Variants in ALS2 observed in about 807,000 individuals in gnomAD.
ALS2 encodes the protein alsin.
ALS2 carries 117 observed loss-of-function variants against 203.4 expected under a neutral mutation model. That is an observed-to-expected ratio of 0.58 (90% CI 0.50 to 0.67). The LOEUF is 0.67. Ranked by LOEUF, ALS2 falls within the 30% of genes least tolerant of loss-of-function variation. The pLI is 0.00. For missense variants in ALS2, 1,715 were observed against 1,989.4 expected (o/e 0.86, Z 2.62); for synonymous variants, 718 against 725.9 (o/e 0.99, Z 0.17).
At chr2:201,763,014 T>G (rs1452224595) in intron 3 of ALS2, 1 of 161,574 alleles carries the variant, frequency 6.2e-6, no homozygotes, top group Non-Finnish European at 1.4e-5. Context: ...TGGGGACCTC[T>G]CTCAAGGATG....
At chr2:201,755,250 T>C (rs956056081) in intron 5 of ALS2, among the ~76,000 whole-genome samples, 3 of 151,866 alleles carry the variant, frequency 2.0e-5, no homozygotes, top group Admixed American at 1.3e-4. Flanking sequence ...CTGGGCAACA[T>C]AGCAAGACAC....
At chr2:201,746,429 T>A (rs1305718263) in intron 9 of ALS2, 137 bp downstream of exon 9, 1 of 961,968 alleles carries the variant, frequency 1.0e-6, no homozygotes, top group Non-Finnish European at 1.7e-6. Flanking sequence ...TGAAGGGGGC[T>A]TGAAAGGAGT....
chr2:201,721,027 C>T (rs868429995), intron 23 of ALS2, among the ~76,000 whole-genome samples: 3 of 152,080 alleles, frequency 2.0e-5, no homozygotes, highest in African/African-American at 7.2e-5. Flanking sequence ...ACAAAATCAA[C>T]TGCATTTTTA....
intron 1 of ALS2, chr2:201,779,937 G>A (rs1210910982): frequency 6.6e-6 from 1 of 152,170 alleles, no homozygotes; most frequent in African/African-American, 2.4e-5. Flanking sequence ...TGATAAATGG[G>A]GGGGAAAATG....
At chr2:201,723,847 T>C (rs1009914495) in intron 21 of ALS2, among the ~76,000 whole-genome samples, 5 of 152,250 alleles carry the variant, frequency 3.3e-5, no homozygotes, top group Non-Finnish European at 7.3e-5. Flanking sequence ...CTGGATTCGG[T>C]GGCTCATGCC....
At chr2:201,705,579 A>G (rs1223533721) in intron 29 of ALS2, 118 bp from the exon 30 acceptor site, 2 of 737,594 alleles carry the variant, frequency 2.7e-6, no homozygotes, top group Non-Finnish European at 4.7e-6. Flanking sequence ...ACTGCTCCAC[A>G]ATAGGTTAAG....
In ALS2 at chr2:201,718,071, A is replaced by G; in HGVS notation, c.3836+6T>C. On this transcript the variant is annotated splice_donor_region_variant and intron_variant, in intron 24 of 33. Coordinates refer to ENST00000264276, the MANE Select transcript of ALS2 (RefSeq NM_020919.4). ...AATTAATCCAGAATTAACACTAGTT[A>G]CTCACAAAACTTTAGGTCTGTCTTT... 1 of 1,613,038 alleles carries G rather than the reference A, an allele frequency of 6.2e-7. No individual in the cohort carries two copies. The highest frequency in any genetic ancestry group is 8.5e-7 in the Non-Finnish European group (1 of 1,179,138).
At chr2:201,763,352 G>A (rs536594069) in intron 3 of ALS2, 6 of 195,662 alleles carry the variant, frequency 3.1e-5, no homozygotes, top group South Asian at 2.4e-4. Context: ...GGCCAGTATC[G>A]ATGACTGCTA....
chr2:201,732,524 C>T (rs567902572), intron 13 of ALS2, among the ~76,000 whole-genome samples: 3 of 151,920 alleles, frequency 2.0e-5, no homozygotes, highest in South Asian at 2.1e-4. Flanking sequence ...GCCAAGATTG[C>T]GCCACTGCAC....
At chr2:201,743,062 C>T (rs1389849166) in intron 10 of ALS2, among the ~76,000 whole-genome samples, 1 of 123,088 alleles carries the variant, frequency 8.1e-6, no homozygotes, top group African/African-American at 2.7e-5. Flanking sequence ...CAGAGCAAGA[C>T]TCTGTCTCAA....
At chr2:201,718,891 T>C (rs1375738382) in intron 23 of ALS2, among the ~76,000 whole-genome samples, 1 of 151,846 alleles carries the variant, frequency 6.6e-6, no homozygotes, top group Non-Finnish European at 1.5e-5. Flanking sequence ...TTCCACCTAA[T>C]AAAATTACAA....
At chr2:201,752,833 T>C (rs990697508) in intron 7 of ALS2, among the ~76,000 whole-genome samples, 9 of 152,154 alleles carry the variant, frequency 5.9e-5, no homozygotes. Context: ...AATTCACCAA[T>C]ACCCTGGAAA....
At position 201,726,741 on chromosome 2, in the gene ALS2, T is replaced by C. The variant is rs1409971193; in HGVS notation, c.3105A>G (p.Lys1035=). 1 of 1,614,054 alleles carries C rather than the reference T, an allele frequency of 6.2e-7. No individual in the cohort carries two copies. The highest frequency in any genetic ancestry group is 8.5e-7 in the Non-Finnish European group (1 of 1,180,034). Residue 1035 remains lysine, a synonymous_variant, in exon 18 of 34, where the codon AAA becomes AAG. Coordinates refer to ENST00000264276, the MANE Select transcript of ALS2 (RefSeq NM_020919.4). ...RQEPPISRSA[K]YTFYKDPRLK... ...GGCGAGGATCCTTGTAGAAAGTATA[T>C]TTGGCACTGCGTGAAATGGGTGGTT...
Position 201,729,201 on chromosome 2 carries a change from A to G in ALS2, c.2581-18T>C. 1 of 1,612,374 alleles carries G rather than the reference A, an allele frequency of 6.2e-7. No homozygotes were observed. The highest frequency in any genetic ancestry group is 8.5e-7 in the Non-Finnish European group (1 of 1,179,288). On this transcript the variant is annotated intron_variant, in intron 13 of 33. Coordinates refer to ENST00000264276, the MANE Select transcript of ALS2 (RefSeq NM_020919.4). Reference sequence around the variant, plus strand: ...GGAGATGCCTACAGGGCAAAAATTAAAGAGGAAAAAAAAAAAAAGAACATA... The same window carrying G: ...GGAGATGCCTACAGGGCAAAAATTAGAGAGGAAAAAAAAAAAAAGAACATA...
rs1449983194 is a variant in ALS2 at position 201,749,705 on chromosome 2, A to G, written c.1815+7T>C. 6.2e-7 allele frequency: 1 copy of G among 1,612,370 alleles called. No individual in the cohort carries two copies. The highest frequency in any genetic ancestry group is 1.7e-5 in the Admixed American group (1 of 60,024). Reference sequence around the variant, plus strand: ...GGAATAAGTTGCTATCAAGTTCACAAAAGTACCTTTGCAAGACGAGGAACT... The same window carrying G: ...GGAATAAGTTGCTATCAAGTTCACAGAAGTACCTTTGCAAGACGAGGAACT... On this transcript the variant is annotated splice_region_variant and intron_variant, in intron 8 of 33. Transcript: ENST00000264276.
rs1256078685 is a variant in ALS2 at position 201,727,225 on chromosome 2, G to A, written c.2966C>T (p.Thr989Ile). ...TAATAGACTAACCTTTTCCTGGGGT[G>A]TAGATGAAATGAGAGTGAACTGCTC... ...PEEQFTLISSTPQEKTKWLRA... is the reference protein window; with the variant it reads ...PEEQFTLISSIPQEKTKWLRA... Residue 989 changes from threonine to isoleucine, a missense_variant, in exon 17 of 34, where the codon ACA (threonine) becomes ATA (isoleucine). Physicochemically the swap from Thr to Ile is moderately conservative, Grantham distance 89. This residue lies in a region of ALS2 where 1,227 missense variants were observed against 1,413.5 expected (regional missense o/e 0.87). Transcript: ENST00000264276. The A allele has an allele frequency of 6.2e-7, 1 of 1,613,402 alleles. No homozygotes were observed. The highest frequency in any genetic ancestry group is 8.5e-7 in the Non-Finnish European group (1 of 1,179,318).
rs763322228 is a variant in ALS2 at position 201,705,181 on chromosome 2, T to C, written c.4646A>G (p.Asp1549Gly). 6.2e-6 allele frequency: 10 copies of C among 1,614,116 alleles called. No individual in the cohort carries two copies. Among genetic ancestry groups the C allele is most frequent in the Non-Finnish European group, 8.5e-6 (10 of 1,180,012 alleles). The change falls in exon 31 of 34, where the codon GAT becomes GGT. Residue 1549 changes from aspartate to glycine, a missense_variant. Physicochemically the swap from Asp to Gly is moderately conservative, Grantham distance 94. Around this residue, in one of 3 missense-constraint regions of ALS2, gnomAD observed 1,227 missense variants for 1,413.5 expected, o/e 0.87. Transcript: ENST00000264276. ...ESKKVLPTTK[D>G]ACFASAVECL... Reference sequence around the variant, plus strand: ...TTCTACTGCTGAGGCAAAACAAGCATCTTTCGTGGTTGGCAAAACCTGCAA... The same window carrying C: ...TTCTACTGCTGAGGCAAAACAAGCACCTTTCGTGGTTGGCAAAACCTGCAA...
intron 31 of ALS2, among the ~76,000 whole-genome samples, 163 bp from the exon 32 acceptor site, chr2:201,704,766 T>TA (rs1485091338): frequency 2.0e-5 from 3 of 152,236 alleles, no homozygotes; most frequent in Non-Finnish European, 4.4e-5. Context: ...CCCATGGTGC[T>TA]ATGAGAAAAG....
intron 8 of ALS2, among the ~76,000 whole-genome samples, chr2:201,747,001 A>G (rs573647741): frequency 6.6e-6 from 1 of 152,230 alleles, no homozygotes; most frequent in East Asian, 1.9e-4. Context: ...AAAAGGAAAA[A>G]CCACACATCT....
Sources: gnomAD v4.1 joint callset for allele counts (sites outside exome capture counted in the v4.1 genomes callset) on GRCh38, gnomAD v4.1.1 for gene constraint, gnomAD v4.1.1 regional missense constraint, MANE v1.5 for transcripts, NCBI Gene and HGNC (gene_info 2026-07-23, HGNC 2026-07-21) for gene names.